Variants in TDRD1 observed in about 807,000 individuals in gnomAD.
The protein encoded by TDRD1 is tudor domain containing 1.
Under a neutral mutation model 140.6 loss-of-function variants are expected in TDRD1, and 37 were observed. The observed-to-expected ratio is 0.26, with a 90% confidence interval of 0.20 to 0.35. TDRD1 has a LOEUF of 0.35. TDRD1 is among the 10% of genes least tolerant of loss of function. TDRD1 has a pLI of 1.00. For missense variants in TDRD1, 1,243 were observed against 1,393.0 expected (o/e 0.89, Z 1.71); for synonymous variants, 506 against 475.7 (o/e 1.06, Z -0.83).
At chr10:114,230,669 A>G (rs2036705534) in intron 25 of TDRD1, among the ~76,000 whole-genome samples, 1 of 152,228 alleles carries the variant, frequency 6.6e-6, no homozygotes, top group Admixed American at 6.5e-5. Flanking sequence ...ATTATTAGGA[A>G]AAAATAATGT....
At chr10:114,227,113 A>G in exon 23 of TDRD1, 2 of 1,590,606 alleles carry the variant, frequency 1.3e-6, no homozygotes, top group African/African-American at 2.7e-5. Flanking sequence ...ATTAATAATA[A>G]TGCTATTAAA....
chr10:114,181,190 T>C lies in TDRD1; in HGVS notation c.-7+1774T>C, dbSNP rs114170405. ...TCCTAATTCTGAGAAAATGAGGTAC[T>C]CTTTAACGTAGAGAAATGTTGAGAC... is the stretch of plus-strand genomic sequence containing the variant. On this transcript the variant is annotated intron_variant, in intron 1 of 25. Transcript: ENST00000251864. 2.1e-3 allele frequency among the ~76,000 whole-genome samples: 327 copies of C among 152,374 alleles called. 6 individuals carry two copies. Among genetic ancestry groups the C allele is most frequent in the African/African-American group, 7.4e-3 (308 of 41,596 alleles).
chr10:114,197,914 C>T (rs544193608), intron 3 of TDRD1, among the ~76,000 whole-genome samples: 9 of 152,102 alleles, frequency 5.9e-5, no homozygotes, highest in Non-Finnish European at 1.3e-4. Flanking sequence ...CCTCAGCCTC[C>T]CAAAGTGCCG....
At chr10:114,226,381 C>T (rs1171539845) in intron 22 of TDRD1, among the ~76,000 whole-genome samples, 165 bp downstream of exon 22, 1 of 151,846 alleles carries the variant, frequency 6.6e-6, no homozygotes, top group Non-Finnish European at 1.5e-5. Context: ...TATTCTTTAT[C>T]GAATTCTCAC....
chr10:114,206,109 A>ATTACCTATGGGTATATGTTG (rs1421783239), intron 10 of TDRD1, 135 bp from the exon 11 acceptor site: 1 of 659,618 alleles, frequency 1.5e-6, no homozygotes, highest in Non-Finnish European at 2.6e-6. Context: ...TAGGAACTGA[A>ATTACCTATGGGTATATGTTG]TTGGCAAAAC....
chr10:114,206,122 A>G, intron 10 of TDRD1, 122 bp from the exon 11 acceptor site: 1 of 736,900 alleles, frequency 1.4e-6, no homozygotes, highest in Non-Finnish European at 2.2e-6. Context: ...GGCAAAACAT[A>G]TACCAACCTA....
rs984890874 is a variant in TDRD1 at position 114,228,823 on chromosome 10, C to A, written c.3538+698C>A. The A allele has an allele frequency of 3.7e-5, 36 of 979,856 alleles. 1 individual carries two copies. The Admixed American group carries it at 5.5e-4, about 15-fold the overall frequency. The allele number at this position is 979,856 out of a possible 1,614,324, so 60.7% of individuals were successfully genotyped here. A position where few individuals can be genotyped will look rare whatever the true frequency, so the allele number is the denominator to read the frequency against. On this transcript the variant is annotated intron_variant, in intron 25 of 25. Transcript: ENST00000251864. ...TCAGGGCTGGGGGTGGTGGCTCACG[C>A]CTGTAATCCCAGCACTTTGGGAGGC...
chr10:114,219,102 G>C (rs1001355893), intron 18 of TDRD1, among the ~76,000 whole-genome samples: 4 of 152,150 alleles, frequency 2.6e-5, no homozygotes, highest in South Asian at 2.1e-4. Flanking sequence ...ATGTTTAGCT[G>C]TCTATTGCAC....
chr10:114,227,937 GCA>G lies in TDRD1; in HGVS notation c.3434_3435del (p.Thr1145ArgfsTer7). On this transcript the variant is annotated frameshift_variant, in exon 24 of 26. Coordinates refer to ENST00000251864, the Ensembl canonical transcript of TDRD1. LOFTEE classifies it high-confidence loss of function. ...AAGATGTATAGGATGAATTGCTGCT[GCA>G]CAGAGTTACAGAAACAAGTAGGTAA... The G allele has an allele frequency of 6.2e-7, 1 of 1,613,772 alleles. No individual in the cohort carries two copies. The highest frequency in any genetic ancestry group is 8.5e-7 in the Non-Finnish European group (1 of 1,179,782).
At position 114,201,408 on chromosome 10, in the gene TDRD1, A is replaced by G; in HGVS notation, c.530-2A>G. 1 of 1,613,350 alleles carries G rather than the reference A, an allele frequency of 6.2e-7. No homozygotes were observed. The highest frequency in any genetic ancestry group is 8.5e-7 in the Non-Finnish European group (1 of 1,179,406). On this transcript the variant is annotated splice_acceptor_variant, in intron 4 of 25. Transcript: ENST00000251864. LOFTEE classifies it high-confidence loss of function. ...AACTATTTTGTGGGTGGTGTTTTCT[A>G]GGATCGCTGAGGTGCTCTCAGTGCA...
At chr10:114,225,107 A>T (rs2036358202) in intron 21 of TDRD1, among the ~76,000 whole-genome samples, 1 of 151,582 alleles carries the variant, frequency 6.6e-6, no homozygotes, top group Non-Finnish European at 1.5e-5. Context: ...TCCCTTGTCT[A>T]CTCTGCCTCA....
At position 114,192,507 on chromosome 10, in the gene TDRD1, C is replaced by T. The variant is rs1336633365; in HGVS notation, c.384+1488C>T. On this transcript the variant is annotated intron_variant, in intron 3 of 25. Coordinates refer to ENST00000251864, the Ensembl canonical transcript of TDRD1. The stretch of plus-strand genomic sequence containing the variant: ...ATTTTTAGTAGAGATGGGGTTTCAC[C>T]GTGTTAGCCAGGATGGTCTCCATCT... Among the ~76,000 whole-genome samples the T allele has an allele frequency of 4.6e-5, 7 of 151,896 alleles. No individual in the cohort carries two copies. In the South Asian group the frequency reaches 1.5e-3, roughly 32 times the overall value.
chr10:114,204,251 G>T (rs761963699), intron 9 of TDRD1, 35 bp downstream of exon 9: 1 of 1,556,906 alleles, frequency 6.4e-7, no homozygotes, highest in Non-Finnish European at 8.6e-7. Context: ...TTTTAATAGT[G>T]TCCCAAAGGA....
chr10:114,231,345 T>G, intron 25 of TDRD1: 1 of 698,996 alleles, frequency 1.4e-6, no homozygotes, highest in Non-Finnish European at 2.5e-6. Context: ...GGTCATTAAT[T>G]TTCTTAACTG....
intron 2 of TDRD1, among the ~76,000 whole-genome samples, chr10:114,188,540 TATC>T (rs1216038201): frequency 6.6e-6 from 1 of 152,202 alleles, no homozygotes; most frequent in East Asian, 1.9e-4. Flanking sequence ...TGATTTATTT[TATC>T]ATTCCTTTAG....
At chr10:114,199,716 C>T (rs557680550) in intron 4 of TDRD1, among the ~76,000 whole-genome samples, 1 of 152,320 alleles carries the variant, frequency 6.6e-6, no homozygotes, top group East Asian at 1.9e-4. Context: ...AATCATACAG[C>T]GTGGACTCTT....
At chr10:114,206,386 A>G (rs1328864814) in intron 11 of TDRD1, 56 bp downstream of exon 11, 1 of 1,434,906 alleles carries the variant, frequency 7.0e-7, no homozygotes, top group East Asian at 2.3e-5. Flanking sequence ...AAGACCATCT[A>G]CCTACTAAAC....
chr10:114,221,519 A>G, intron 20 of TDRD1, 43 bp downstream of exon 20: 2 of 1,581,912 alleles, frequency 1.3e-6, no homozygotes, highest in Non-Finnish European at 8.6e-7. Context: ...TCATCTTTTA[A>G]ACTGTAAAAC....
At chr10:114,231,187 CTG>C (rs1461669757) in intron 25 of TDRD1, among the ~76,000 whole-genome samples, 8 of 152,204 alleles carry the variant, frequency 5.3e-5, no homozygotes, top group African/African-American at 1.9e-4. Context: ...ATAAAACCCT[CTG>C]TAATCTGTTG....
Sources: allele counts gnomAD v4.1 joint callset (sites outside exome capture counted in the v4.1 genomes callset), GRCh38; gene constraint gnomAD v4.1.1; transcripts MANE v1.5; gene names NCBI Gene and HGNC (gene_info 2026-07-23, HGNC 2026-07-21).